The following TAF12 variants were observed in gnomAD, a reference collection of about 807,000 sequenced individuals.
TAF12 encodes transcription initiation factor TFIID subunit 12.
TAF12 carries 3 observed loss-of-function variants against 20.8 expected under a neutral mutation model. The observed-to-expected ratio is 0.14, with a 90% CI of 0.07 to 0.37. TAF12 has a LOEUF of 0.37. Ranked by LOEUF, TAF12 falls within the 10% of genes least tolerant of loss-of-function variation. The pLI, the probability that TAF12 is intolerant of heterozygous loss-of-function variation, is 1.00. For missense variants in TAF12, 131 were observed against 197.9 expected, an observed-to-expected ratio of 0.66 and a Z score of 2.03; for synonymous variants, 69 against 70.2, an observed-to-expected ratio of 0.98 and a Z score of 0.09.
intron 3 of TAF12, among the ~76,000 whole-genome samples, chr1:28,615,808 G>A (rs1667021487): frequency 6.6e-6 from 1 of 151,120 alleles, no homozygotes; most frequent in African/African-American, 2.4e-5. Flanking sequence ...CTGACATTTA[G>A]GGAATCTTCC....
chr1:28,636,068 T>C (rs1240003063), intron 1 of TAF12, among the ~76,000 whole-genome samples: 3 of 152,170 alleles, frequency 2.0e-5, no homozygotes, highest in Non-Finnish European at 4.4e-5. Context: ...GAGCTCATAT[T>C]TCCCAGCCTA....
chr1:28,635,610 T>C (rs1378137184), intron 1 of TAF12, among the ~76,000 whole-genome samples: 1 of 151,992 alleles, frequency 6.6e-6, no homozygotes, highest in African/African-American at 2.4e-5. Context: ...CGGCCTATCC[T>C]CCCTCCTTTT....
chr1:28,621,785 A>C, intron 2 of TAF12, 129 bp downstream of exon 2: 1 of 1,399,666 alleles, frequency 7.1e-7, no homozygotes, highest in South Asian at 1.4e-5. Flanking sequence ...TTAGAAATCC[A>C]AAAGAGGGAA....
intron 5 of TAF12, among the ~76,000 whole-genome samples, chr1:28,604,603 A>T (rs540521097): frequency 4.1e-4 from 63 of 152,332 alleles, no homozygotes; most frequent in Non-Finnish European, 7.8e-4. Context: ...TCCATTCAGG[A>T]AACTGGTGGC....
intron 4 of TAF12, among the ~76,000 whole-genome samples, chr1:28,609,369 C>G (rs1029133558): frequency 1.3e-5 from 2 of 149,528 alleles, no homozygotes; most frequent in African/African-American, 4.9e-5. Flanking sequence ...AGCCACCATG[C>G]CCGGCCTATA....
At chr1:28,611,375 A>T (rs9426288) in intron 4 of TAF12, among the ~76,000 whole-genome samples, 33,618 of 152,034 alleles carry the variant, frequency 0.22, 4,134 homozygotes, top group Middle Eastern at 0.33. Context: ...GTTATTTAAA[A>T]GTGTCCCTAA....
At chr1:28,607,124 A>AG (rs1666692533) in intron 4 of TAF12, among the ~76,000 whole-genome samples, 1 of 152,254 alleles carries the variant, frequency 6.6e-6, no homozygotes, top group Non-Finnish European at 1.5e-5. Context: ...TCATGTATAA[A>AG]GGTGTACGTC....
intron 2 of TAF12, among the ~76,000 whole-genome samples, chr1:28,621,449 T>C (rs888137859): frequency 6.6e-6 from 1 of 152,180 alleles, no homozygotes. Context: ...ACTTTTATCA[T>C]AGGAATAATG....
intron 4 of TAF12, among the ~76,000 whole-genome samples, chr1:28,607,723 C>G (rs1451924371): frequency 6.6e-6 from 1 of 151,666 alleles, no homozygotes; most frequent in Non-Finnish European, 1.5e-5. Context: ...ACCTGTAGTC[C>G]CAACTACTTG....
In TAF12 at chr1:28,639,458, G is replaced by C. The variant is rs555938391; in HGVS notation, c.-85+3534C>G. ...AAAAAAAAAGGTAATATGTCCTTTT[G>C]TCCTTTGTTCCTATCGGCTCTAATT... On this transcript the variant is annotated intron_variant, in intron 1 of 5. Coordinates refer to ENST00000373824, the MANE Select transcript of TAF12 (RefSeq NM_005644.4). Among the ~76,000 whole-genome samples the C allele has an allele frequency of 5.6e-5, 8 of 142,136 alleles. No individual in the cohort carries two copies. In the South Asian group the frequency reaches 1.5e-3, roughly 27 times the overall value. The allele number at this position is 142,136 out of a possible 152,430, so 93.2% of individuals were successfully genotyped here.
chr1:28,646,696 A>ATTT (rs758006645), upstream of TAF12, among the ~76,000 whole-genome samples: 6 of 124,916 alleles, frequency 4.8e-5, no homozygotes, highest in Non-Finnish European at 8.6e-5. Flanking sequence ...CACTCGGCCA[A>ATTT]TTTTTTTTTT....
chr1:28,619,439 A>G (rs1667138388), intron 2 of TAF12, among the ~76,000 whole-genome samples: 1 of 148,482 alleles, frequency 6.7e-6, no homozygotes, highest in African/African-American at 2.5e-5. Context: ...CAGAGCTTGC[A>G]GTGAGACGAG....
Position 28,621,947 on chromosome 1 carries a change from C to T in TAF12, c.135G>A (p.Gly45=). ...TTTCAGGGCTAAGACGACCTCCTGC[C>T]CCAGGAGTGCCTGGTATCTTTACCA... ...TAVVKIPGTP[G]AGGRLSPENN... is the part of the protein sequence containing the mutation. The change falls in exon 2 of 6, where the codon GGG becomes GGA. Residue 45 remains glycine, a synonymous_variant. Transcript: ENST00000373824. The T allele has an allele frequency of 6.2e-7, 1 of 1,613,658 alleles. No homozygotes were observed. The highest frequency in any genetic ancestry group is 8.5e-7 in the Non-Finnish European group (1 of 1,179,892).
intron 1 of TAF12, among the ~76,000 whole-genome samples, chr1:28,630,477 G>A (rs1273156483): frequency 2.6e-5 from 4 of 151,924 alleles, no homozygotes; most frequent in African/African-American, 4.8e-5. Context: ...GCTTGAACCC[G>A]GGAGGCGGAG....
At chr1:28,624,529 T>C (rs998530331) in intron 1 of TAF12, among the ~76,000 whole-genome samples, 1 of 152,048 alleles carries the variant, frequency 6.6e-6, no homozygotes, top group Non-Finnish European at 1.5e-5. Context: ...GGCAGATCAC[T>C]TGAGGTCAGG....
At chr1:28,615,612 G>A (rs1161046300) in intron 3 of TAF12, among the ~76,000 whole-genome samples, 1 of 148,310 alleles carries the variant, frequency 6.7e-6, no homozygotes, top group Non-Finnish European at 1.5e-5. Context: ...CCGGGAGGTG[G>A]AGGTTGCAGT....
intron 1 of TAF12, among the ~76,000 whole-genome samples, chr1:28,641,520 G>T (rs1328418195): frequency 6.6e-6 from 1 of 152,056 alleles, no homozygotes; most frequent in Non-Finnish European, 1.5e-5. Flanking sequence ...CAAGGGGGGT[G>T]AGGTGACTCA....
At chr1:28,613,492 G>C (rs1480544343) in intron 3 of TAF12, 131 bp from the exon 4 acceptor site, 2 of 712,152 alleles carry the variant, frequency 2.8e-6, no homozygotes, top group Non-Finnish European at 4.6e-6. Context: ...TCAGCATTTG[G>C]GCTAAGGTGG....
At chr1:28,612,316 G>A (rs865796065) in intron 4 of TAF12, among the ~76,000 whole-genome samples, 1 of 151,640 alleles carries the variant, frequency 6.6e-6, no homozygotes, top group Admixed American at 6.6e-5. Flanking sequence ...CAGGTGTGGT[G>A]GTGCAGGCCT....
Sources: gnomAD v4.1 joint callset for allele counts (sites outside exome capture counted in the v4.1 genomes callset) on GRCh38, gnomAD v4.1.1 for gene constraint, MANE v1.5 for transcripts, NCBI Gene and HGNC (gene_info 2026-07-23, HGNC 2026-07-21) for gene names.